Variants in PKHD1 observed in about 807,000 individuals in gnomAD.
PKHD1 encodes fibrocystin.
A neutral mutation model predicts 412.0 loss-of-function variants in PKHD1; 291 were observed. That is an observed-to-expected ratio of 0.71 (90% CI 0.64 to 0.78). The LOEUF (loss-of-function observed/expected upper bound fraction) is 0.78, where lower values mean the gene tolerates loss of function less well. Among genes scored for constraint, PKHD1 ranks in the 30% least tolerant of loss-of-function variants. The pLI is 0.00. For missense variants in PKHD1, 4,825 were observed against 4,950.7 expected (o/e 0.97, Z 0.76); for synonymous variants, 1,777 against 1,821.5 (o/e 0.98, Z 0.62).
chr6:51,772,427 T>C (rs970049696), intron 55 of PKHD1, among the ~76,000 whole-genome samples: 6 of 151,998 alleles, frequency 3.9e-5, no homozygotes, highest in Admixed American at 2.0e-4. Context: ...AATTCATATA[T>C]TTTAAGATTT....
intron 52 of PKHD1, among the ~76,000 whole-genome samples, chr6:51,818,998 C>T (rs753787650): frequency 4.7e-4 from 72 of 152,154 alleles, no homozygotes; most frequent in Non-Finnish European, 8.2e-4. Flanking sequence ...TAATAATTTT[C>T]AGGGTTTTTT....
intron 15 of PKHD1, among the ~76,000 whole-genome samples, chr6:52,059,339 C>T (rs115502581): frequency 0.027 from 3,918 of 146,110 alleles, 68 homozygotes; most frequent in Non-Finnish European, 0.039. Context: ...CCACGACTGC[C>T]CAAGGCTCAG....
At chr6:51,978,937 G>T (rs905963547) in intron 35 of PKHD1, among the ~76,000 whole-genome samples, 10 of 144,558 alleles carry the variant, frequency 6.9e-5, no homozygotes, top group African/African-American at 2.6e-5. Flanking sequence ...ATGTTAACTG[G>T]AGCACTCAGC....
At chr6:51,741,569 CAT>C (rs1784557903) in intron 60 of PKHD1, among the ~76,000 whole-genome samples, 1 of 152,164 alleles carries the variant, frequency 6.6e-6, no homozygotes, top group South Asian at 2.1e-4. Flanking sequence ...AATATTAACA[CAT>C]GAGCTTCCCT....
intron 35 of PKHD1, among the ~76,000 whole-genome samples, chr6:52,006,381 T>C (rs546692552): frequency 6.6e-6 from 1 of 150,990 alleles, no homozygotes; most frequent in East Asian, 1.9e-4. Flanking sequence ...GTTGTTTGTT[T>C]GTTTGTTTGT....
intron 36 of PKHD1, among the ~76,000 whole-genome samples, chr6:51,943,338 A>G (rs547630475): frequency 6.6e-6 from 1 of 151,132 alleles, no homozygotes; most frequent in African/African-American, 2.4e-5. Flanking sequence ...GCTCCTTTTT[A>G]TTAGGCCCCA....
intron 65 of PKHD1, among the ~76,000 whole-genome samples, chr6:51,631,829 T>C (rs1767951530): frequency 6.6e-6 from 1 of 151,954 alleles, no homozygotes; most frequent in Non-Finnish European, 1.5e-5. Context: ...TTTAGGAACC[T>C]ACTTAATTCC....
intron 35 of PKHD1, among the ~76,000 whole-genome samples, chr6:51,980,013 G>A (rs1035583689): frequency 6.6e-6 from 1 of 152,150 alleles, no homozygotes; most frequent in African/African-American, 2.4e-5. Context: ...TTGCTAGAGT[G>A]TGAGTTTTAA....
chr6:51,617,358 T>C lies in PKHD1; in HGVS notation c.*1723A>G, dbSNP rs1172929176. 6.6e-6 allele frequency: 1 copy of C among 152,218 alleles called. No individual in the cohort carries two copies. The highest frequency in any genetic ancestry group is 6.5e-5 in the Admixed American group (1 of 15,290). The allele number at this position is 152,218 out of a possible 1,614,324, so 9.4% of individuals were successfully genotyped here. A position where few individuals can be genotyped will look rare whatever the true frequency, so the allele number is the denominator to read the frequency against. ...GACTAATTAAACTAGGGAAGGCATG[T>C]TCTGCCTAAGTCATTCGAGTTTTTT... On this transcript the variant is annotated 3_prime_UTR_variant, in exon 67 of 67. Coordinates refer to ENST00000371117, the MANE Select transcript of PKHD1 (RefSeq NM_138694.4).
intron 60 of PKHD1, among the ~76,000 whole-genome samples, chr6:51,736,392 C>T (rs1315570341): frequency 6.6e-6 from 1 of 151,986 alleles, no homozygotes; most frequent in Non-Finnish European, 1.5e-5. Flanking sequence ...GAGGGAGTGA[C>T]AAAATAAGGT....
intron 16 of PKHD1, among the ~76,000 whole-genome samples, chr6:52,057,838 CA>C (rs1230350288): frequency 2.0e-5 from 3 of 152,128 alleles, no homozygotes; most frequent in Admixed American, 2.0e-4. Context: ...CTTTGTACAC[CA>C]AAAAGTGAAC....
intron 48 of PKHD1, among the ~76,000 whole-genome samples, chr6:51,864,024 T>C (rs915436558): frequency 6.6e-6 from 1 of 152,068 alleles, no homozygotes; most frequent in African/African-American, 2.4e-5. Flanking sequence ...TTAGAGCAAG[T>C]ATAAAGAGCT....
chr6:51,995,144 C>T (rs956083063), intron 35 of PKHD1, among the ~76,000 whole-genome samples: 9 of 152,280 alleles, frequency 5.9e-5, no homozygotes, highest in Non-Finnish European at 1.3e-4. Flanking sequence ...TCTCACCCCT[C>T]GTGGAAGCAC....
At chr6:51,947,345 G>A (rs1789620507) in intron 36 of PKHD1, among the ~76,000 whole-genome samples, 2 of 152,116 alleles carry the variant, frequency 1.3e-5, no homozygotes, top group East Asian at 3.9e-4. Flanking sequence ...TTCATCATGT[G>A]CTATATTCTA....
chr6:51,996,952 T>G (rs558173429), intron 35 of PKHD1, among the ~76,000 whole-genome samples: 7 of 152,338 alleles, frequency 4.6e-5, no homozygotes, highest in African/African-American at 1.7e-4. Context: ...ATTAGCTCTA[T>G]TCTATAAGTG....
In PKHD1 at chr6:51,747,797, C is replaced by T. The variant is rs1785416168; in HGVS notation, c.9819G>A (p.Met3273Ile). The T allele has an allele frequency of 6.2e-7, 1 of 1,613,590 alleles. No homozygotes were observed. The highest frequency in any genetic ancestry group is 1.1e-5 in the South Asian group (1 of 91,082). Reference protein sequence around the residue: ...VRNDHSISGIMKLQDVTFSSF... With the variant: ...VRNDHSISGIIKLQDVTFSSF... Reference sequence around the variant, plus strand: ...AATAAAACATCCTACCTTGAAGTTTCATGATTCCTGAAATTGAATGATCAT... The same window carrying T: ...AATAAAACATCCTACCTTGAAGTTTTATGATTCCTGAAATTGAATGATCAT... The change falls in exon 58 of 67, where the codon ATG becomes ATA. Residue 3273 changes from methionine to isoleucine, a missense_variant. Coordinates refer to ENST00000371117, the MANE Select transcript of PKHD1 (RefSeq NM_138694.4).
chr6:51,851,934 T>C (rs951374186), intron 49 of PKHD1, among the ~76,000 whole-genome samples: 4 of 152,160 alleles, frequency 2.6e-5, no homozygotes, highest in Non-Finnish European at 5.9e-5. Context: ...AGTTATTTCT[T>C]GTCTTCTGCT....
At chr6:51,958,521 T>C (rs1312251398) in intron 36 of PKHD1, among the ~76,000 whole-genome samples, 1 of 152,110 alleles carries the variant, frequency 6.6e-6, no homozygotes, top group Non-Finnish European at 1.5e-5. Flanking sequence ...CTGTCAACAC[T>C]ATTCATGATT....
intron 60 of PKHD1, among the ~76,000 whole-genome samples, chr6:51,677,072 T>C (rs1251788898): frequency 6.6e-6 from 1 of 152,148 alleles, no homozygotes; most frequent in Non-Finnish European, 1.5e-5. Context: ...GAAAAAGATA[T>C]ATATGCTTGC....
Sources: allele counts gnomAD v4.1 joint callset (sites outside exome capture counted in the v4.1 genomes callset), GRCh38; gene constraint gnomAD v4.1.1; transcripts MANE v1.5; gene names NCBI Gene and HGNC (gene_info 2026-07-23, HGNC 2026-07-21).